The following NEK5 variants were observed in gnomAD, a reference collection of about 807,000 sequenced individuals.
NEK5 encodes the protein NIMA related kinase 5, also known as serine/threonine-protein kinase Nek5.
NEK5 carries 88 observed loss-of-function variants against 109.2 expected under a neutral mutation model. The observed-to-expected ratio is 0.81, with a 90% CI of 0.68 to 0.96. The LOEUF (loss-of-function observed/expected upper bound fraction) is 0.96. NEK5 is among the 40% of genes least tolerant of loss of function. The pLI is 0.00. For synonymous variants in NEK5, 283 were observed against 299.9 expected, an observed-to-expected ratio of 0.94 and a Z score of 0.58; for missense variants, 834 against 920.7, an observed-to-expected ratio of 0.91 and a Z score of 1.22.
chr13:52,084,782 T>A lies in NEK5; in HGVS notation c.1480-1430A>T, dbSNP rs1336779184. Among the ~76,000 whole-genome samples, 13 of 82,624 alleles carry A rather than the reference T, an allele frequency of 1.6e-4. No individual in the cohort carries two copies. In the South Asian group the frequency reaches 2.2e-3, roughly 14 times the overall value. 54.2% of individuals were successfully genotyped at this position (82,624 alleles called of 152,430 possible). A position where few individuals can be genotyped will look rare whatever the true frequency, so the allele number is the denominator to read the frequency against. On this transcript the variant is annotated intron_variant, in intron 16 of 23. Coordinates refer to ENST00000684899, the MANE Select transcript of NEK5 (RefSeq NM_001365552.1). ...GAGAGAGTGTGTGTGTGTGTGTGTG[T>A]GTGTGTGTGTGTGTGTGTGTGTGTG...
chr13:52,093,074 A>G lies in NEK5; in HGVS notation c.1188T>C (p.His396=), dbSNP rs903442839. The part of the protein sequence containing the change: ...GVEDYGQETR[H]GPSPSQWPAE... ...ATTACCATTGACTTGGGGATGGACC[A>G]TGCCTCGTTTCCTGACCGTAATCCT... The change falls in exon 13 of 24, where the codon CAT becomes CAC. Residue 396 remains histidine, a synonymous_variant. Transcript: ENST00000684899. 1 of 1,613,266 alleles carries G rather than the reference A, an allele frequency of 6.2e-7. No individual in the cohort carries two copies. Among genetic ancestry groups the G allele is most frequent in the Non-Finnish European group, 8.5e-7 (1 of 1,179,332 alleles).
intron 3 of NEK5, among the ~76,000 whole-genome samples, chr13:52,121,674 TA>T (rs1446785479): frequency 6.6e-6 from 1 of 152,174 alleles, no homozygotes; most frequent in Non-Finnish European, 1.5e-5. Flanking sequence ...CCATAGGTGG[TA>T]ACCTTACTCT....
intron 11 of NEK5, among the ~76,000 whole-genome samples, chr13:52,101,471 G>A (rs965675384): frequency 2.0e-4 from 30 of 152,138 alleles, no homozygotes; most frequent in African/African-American, 7.2e-4. Context: ...GAACCACAAA[G>A]TAACAGTTCT....
chr13:52,070,259 A>G (rs1458566162), intron 20 of NEK5, among the ~76,000 whole-genome samples: 2 of 152,234 alleles, frequency 1.3e-5, no homozygotes, highest in Non-Finnish European at 2.9e-5. Flanking sequence ...AGTGGGTCAC[A>G]GCAGAATTAG....
intron 3 of NEK5, among the ~76,000 whole-genome samples, chr13:52,124,899 A>G: frequency 6.6e-6 from 1 of 152,236 alleles, no homozygotes; most frequent in East Asian, 1.9e-4. Context: ...GAAGGATCCA[A>G]GTGACCCAGG....
At position 52,036,844 on chromosome 13, in the gene NEK5, G is replaced by A. The variant is rs1019396468; in HGVS notation, c.*104C>T. 1.4e-5 allele frequency: 6 copies of A among 419,672 alleles called. No homozygotes were observed. Among genetic ancestry groups the A allele is most frequent in the Non-Finnish European group, 1.9e-5 (6 of 313,324 alleles). 26.0% of individuals were successfully genotyped at this position (419,672 alleles called of 1,614,324 possible). A position where few individuals can be genotyped will look rare whatever the true frequency, so the allele number is the denominator to read the frequency against. On this transcript the variant is annotated 3_prime_UTR_variant, in exon 24 of 24. Transcript: ENST00000684899. Reference sequence around the variant, plus strand: ...GAAAGAAAAATTAATAAATCCTTGAGATTACTAGAAAACCCTTACAGTAAA... The same window carrying A: ...GAAAGAAAAATTAATAAATCCTTGAAATTACTAGAAAACCCTTACAGTAAA...
chr13:52,102,881 A>G (rs1324709597), intron 9 of NEK5, among the ~76,000 whole-genome samples: 1 of 152,204 alleles, frequency 6.6e-6, no homozygotes, highest in Non-Finnish European at 1.5e-5. Flanking sequence ...AAGGTATAGG[A>G]AGTTATAAAG....
intron 21 of NEK5, among the ~76,000 whole-genome samples, chr13:52,064,415 C>G (rs544809971): frequency 5.0e-4 from 72 of 145,398 alleles, no homozygotes; most frequent in South Asian, 4.1e-3. Flanking sequence ...GCCAGCCCCC[C>G]GCCCGGCCAG....
intron 1 of NEK5, among the ~76,000 whole-genome samples, chr13:52,128,077 T>C (rs1216835446): frequency 6.6e-6 from 1 of 152,178 alleles, no homozygotes; most frequent in Non-Finnish European, 1.5e-5. Flanking sequence ...CCCGCGGCCC[T>C]ACAATCTTGG....
chr13:52,086,480 T>A (rs1041080082), intron 15 of NEK5, 117 bp from the exon 16 acceptor site: 6 of 691,688 alleles, frequency 8.7e-6, no homozygotes, highest in Middle Eastern at 2.5e-4. Context: ...TAGAAAAATA[T>A]GTTGCTCCTA....
chr13:52,080,771 C>T (rs563178609), intron 17 of NEK5, among the ~76,000 whole-genome samples: 142 of 152,060 alleles, frequency 9.3e-4, no homozygotes, highest in African/African-American at 2.9e-3. Flanking sequence ...CCGCAGGGTC[C>T]TCTGCCTAGG....
At chr13:52,069,000 A>G (rs191759479) in intron 20 of NEK5, among the ~76,000 whole-genome samples, 334 of 152,166 alleles carry the variant, frequency 2.2e-3, no homozygotes, top group African/African-American at 6.3e-3. Context: ...AAAAAAGAAA[A>G]AAAAAGGAGA....
intron 23 of NEK5, among the ~76,000 whole-genome samples, chr13:52,044,789 C>T (rs751664917): frequency 7.2e-5 from 11 of 152,074 alleles, no homozygotes; most frequent in Non-Finnish European, 1.3e-4. Flanking sequence ...AATATATATA[C>T]AGAAGCATAA....
intron 1 of NEK5, among the ~76,000 whole-genome samples, chr13:52,128,109 G>A (rs953066372): frequency 5.3e-5 from 8 of 152,172 alleles, no homozygotes; most frequent in South Asian, 2.1e-4. Flanking sequence ...ATACATTCCT[G>A]TGCGTGGAAA....
chr13:52,063,279 T>C (rs1244483732), intron 21 of NEK5, among the ~76,000 whole-genome samples: 6 of 152,222 alleles, frequency 3.9e-5, no homozygotes, highest in Non-Finnish European at 8.8e-5. Flanking sequence ...TTCGCTGTGT[T>C]GGCCGGGCTG....
At chr13:52,091,147 AG>A (rs1955275373) in intron 13 of NEK5, among the ~76,000 whole-genome samples, 1 of 152,236 alleles carries the variant, frequency 6.6e-6, no homozygotes, top group Non-Finnish European at 1.5e-5. Flanking sequence ...AGGGGCATCC[AG>A]GAAAGAGAAG....
intron 3 of NEK5, among the ~76,000 whole-genome samples, chr13:52,123,314 A>G (rs1464791384): frequency 6.6e-6 from 1 of 152,214 alleles, no homozygotes; most frequent in African/African-American, 2.4e-5. Flanking sequence ...TATTTATGGC[A>G]TAGTGACAAG....
rs368429926 is a variant in NEK5 at position 52,084,762 on chromosome 13, AGTGTGTGTGTGTGT to A, written c.1480-1424_1480-1411del. Among the ~76,000 whole-genome samples the A allele has an allele frequency of 3.0e-3, 142 of 47,392 alleles. 3 individuals are homozygous for A. Among genetic ancestry groups the A allele is most frequent in the Admixed American group, 1.8e-3 (7 of 3,938 alleles). 31.1% of individuals were successfully genotyped at this position (47,392 alleles called of 152,430 possible). A position where few individuals can be genotyped will look rare whatever the true frequency, so the allele number is the denominator to read the frequency against. ...GAGAGAGAGAGAGAGAGAGAGAGAG[AGTGTGTGTGTGTGT>A]GTGTGTGTGTGTGTGTGTGTGTGTG... On this transcript the variant is annotated intron_variant, in intron 16 of 23. Transcript: ENST00000684899.
At chr13:52,095,367 T>C (rs867509319) in intron 12 of NEK5, among the ~76,000 whole-genome samples, 9 of 152,194 alleles carry the variant, frequency 5.9e-5, no homozygotes, top group South Asian at 2.1e-4. Flanking sequence ...TGAAAGGCAA[T>C]AAACATTTTC....
Sources: allele counts gnomAD v4.1 joint callset (sites outside exome capture counted in the v4.1 genomes callset), GRCh38; gene constraint gnomAD v4.1.1; transcripts MANE v1.5; gene names NCBI Gene and HGNC (gene_info 2026-07-23, HGNC 2026-07-21).